The following LRP12 variants were observed in gnomAD, a reference collection of about 807,000 sequenced individuals.
LRP12 encodes LDL receptor related protein 12.
Under a neutral mutation model 66.0 loss-of-function variants are expected in LRP12, and 14 were observed. The observed-to-expected ratio is 0.21, with a 90% confidence interval of 0.14 to 0.33. The LOEUF (loss-of-function observed/expected upper bound fraction) is 0.33, where lower values mean the gene tolerates loss of function less well. Among genes scored for constraint, LRP12 ranks in the 10% least tolerant of loss-of-function variants. The pLI, the probability that LRP12 is intolerant of heterozygous loss-of-function variation, is 1.00. For missense variants in LRP12, 889 were observed against 1,053.4 expected, an observed-to-expected ratio of 0.84 and a Z score of 2.16; for synonymous variants, 357 against 359.1, an observed-to-expected ratio of 0.99 and a Z score of 0.07.
At chr8:104,555,313 G>A (rs904311963) in intron 1 of LRP12, among the ~76,000 whole-genome samples, 11 of 152,080 alleles carry the variant, frequency 7.2e-5, no homozygotes, top group South Asian at 2.1e-4. Context: ...ATAGTACCTC[G>A]CATTTCAATA....
chr8:104,555,309 C>T (rs745872554), intron 1 of LRP12, among the ~76,000 whole-genome samples: 22 of 152,060 alleles, frequency 1.4e-4, no homozygotes, highest in Non-Finnish European at 2.8e-4. Flanking sequence ...AAGAATAGTA[C>T]CTCGCATTTC....
intron 1 of LRP12, among the ~76,000 whole-genome samples, chr8:104,582,882 T>A (rs923764391): frequency 6.6e-6 from 1 of 152,194 alleles, no homozygotes; most frequent in Non-Finnish European, 1.5e-5. Context: ...GATGATCTTA[T>A]GTCATATTAC....
intron 1 of LRP12, among the ~76,000 whole-genome samples, chr8:104,556,188 T>C (rs1187551924): frequency 6.6e-6 from 1 of 152,088 alleles, no homozygotes; most frequent in Non-Finnish European, 1.5e-5. Flanking sequence ...TAACATTAAC[T>C]GCCTACATCA....
chr8:104,523,715 C>T (rs2140855544), intron 2 of LRP12, among the ~76,000 whole-genome samples: 1 of 152,232 alleles, frequency 6.6e-6, no homozygotes, highest in Middle Eastern at 3.4e-3. Flanking sequence ...AGTGATGTTG[C>T]AAGTGCTCCC....
intron 2 of LRP12, among the ~76,000 whole-genome samples, chr8:104,516,757 G>C (rs1811076498): frequency 6.6e-6 from 1 of 152,072 alleles, no homozygotes. Context: ...ACACATGAAA[G>C]AGGGAGGATC....
intron 5 of LRP12, 90 bp downstream of exon 5, chr8:104,496,882 A>G: frequency 7.7e-7 from 1 of 1,292,662 alleles, no homozygotes; most frequent in Non-Finnish European, 1.0e-6. Flanking sequence ...CTAATATAAA[A>G]CAAAAATACA....
intron 1 of LRP12, among the ~76,000 whole-genome samples, chr8:104,565,256 G>A (rs1164760919): frequency 2.6e-5 from 4 of 151,890 alleles, no homozygotes; most frequent in Non-Finnish European, 5.9e-5. Flanking sequence ...GAATAATATC[G>A]ATATGCTCAG....
chr8:104,532,422 AT>A (rs772256414), intron 1 of LRP12, among the ~76,000 whole-genome samples: 42 of 152,206 alleles, frequency 2.8e-4, no homozygotes, highest in Non-Finnish European at 5.9e-4. Context: ...CTTCAAAAAA[AT>A]CTTTCAAATT....
rs547909863 is a variant in LRP12 at position 104,499,261 on chromosome 8, C to A, written c.475+56G>T. ...ACTTAGAAGATTAGCTCCGAAGTGA[C>A]AGAGCAGTTAATACCATAAAATTCA... On this transcript the variant is annotated intron_variant, in intron 4 of 6. Coordinates refer to ENST00000276654, the MANE Select transcript of LRP12 (RefSeq NM_013437.5). 1.2e-3 allele frequency: 1,650 copies of A among 1,350,432 alleles called. 3 individuals carry two copies. Among genetic ancestry groups the A allele is most frequent in the Non-Finnish European group, 1.5e-3 (1,442 of 959,224 alleles). 83.7% of individuals were successfully genotyped at this position (1,350,432 alleles called of 1,614,324 possible). A position where few individuals can be genotyped will look rare whatever the true frequency, so the allele number is the denominator to read the frequency against.
intron 1 of LRP12, among the ~76,000 whole-genome samples, chr8:104,541,465 T>G (rs957395645): frequency 6.6e-6 from 1 of 152,178 alleles, no homozygotes; most frequent in African/African-American, 2.4e-5. Flanking sequence ...GAAAAAAAAT[T>G]ACACACCTAT....
intron 6 of LRP12, among the ~76,000 whole-genome samples, chr8:104,494,202 C>A (rs1564128216): frequency 6.6e-6 from 1 of 152,156 alleles, no homozygotes; most frequent in Non-Finnish European, 1.5e-5. Context: ...AAAGAAGCCA[C>A]AACTTAGGTT....
Position 104,508,937 on chromosome 8 carries a change from A to G in LRP12, c.272+2T>C. ...TATAGTAATACAGAAAGGTAGAATT[A>G]CCTTATAGTAATGATTTCGCCTGGG... On this transcript the variant is annotated splice_donor_variant, in intron 3 of 6. Coordinates refer to ENST00000276654, the MANE Select transcript of LRP12 (RefSeq NM_013437.5). LOFTEE classifies it high-confidence loss of function. 1 of 1,611,520 alleles carries G rather than the reference A, an allele frequency of 6.2e-7. No homozygotes were observed. Among genetic ancestry groups the G allele is most frequent in the Non-Finnish European group, 8.5e-7 (1 of 1,178,382 alleles).
intron 1 of LRP12, among the ~76,000 whole-genome samples, chr8:104,571,259 C>A (rs1331991021): frequency 6.6e-6 from 1 of 152,128 alleles, no homozygotes; most frequent in African/African-American, 2.4e-5. Flanking sequence ...GGCTGCAGAC[C>A]AGTAATGGGC....
chr8:104,557,529 T>TAAA (rs530034124), intron 1 of LRP12, among the ~76,000 whole-genome samples: 1 of 134,350 alleles, frequency 7.4e-6, no homozygotes. Context: ...TTGCAATAGC[T>TAAA]AAAAAAAAAA....
In LRP12 at chr8:104,495,210, CTT is replaced by C. The variant is rs1188994233; in HGVS notation, c.1581-3_1581-2del. The C allele has an allele frequency of 6.2e-7, 1 of 1,607,794 alleles. No homozygotes were observed. The highest frequency in any genetic ancestry group is 1.3e-5 in the African/African-American group (1 of 74,700). On this transcript the variant is annotated splice_acceptor_variant and splice_polypyrimidine_tract_variant and intron_variant, in intron 5 of 6. Transcript: ENST00000276654. LOFTEE classifies it high-confidence loss of function. ...TCTTGACAACTGTGTTTCAAATGATCTTTGAGAGTAGATGGAAAGAAAAATGA... is the reference window on the plus strand; with the variant it reads ...TCTTGACAACTGTGTTTCAAATGATCTGAGAGTAGATGGAAAGAAAAATGA...
intron 2 of LRP12, among the ~76,000 whole-genome samples, chr8:104,520,266 A>G (rs1811127527): frequency 6.6e-6 from 1 of 151,256 alleles, no homozygotes; most frequent in African/African-American, 2.4e-5. Flanking sequence ...TATGAGGGCA[A>G]TTTTTTTTTC....
intron 1 of LRP12, among the ~76,000 whole-genome samples, chr8:104,548,189 T>C (rs1196945493): frequency 8.7e-5 from 8 of 91,598 alleles, no homozygotes; most frequent in African/African-American, 5.0e-4. Flanking sequence ...ATATAATATA[T>C]ATATAAATAT....
intron 1 of LRP12, among the ~76,000 whole-genome samples, chr8:104,552,375 G>GT (rs541170229): frequency 0.012 from 1,700 of 138,880 alleles, 19 homozygotes; most frequent in South Asian, 0.037. Flanking sequence ...TTTTTTTGTT[G>GT]TTTTTTTTTT....
At chr8:104,538,325 T>C (rs1161043563) in intron 1 of LRP12, among the ~76,000 whole-genome samples, 1 of 152,042 alleles carries the variant, frequency 6.6e-6, no homozygotes, top group African/African-American at 2.4e-5. Context: ...CAATTTTAAT[T>C]TCCCATACTC....
Sources: gnomAD v4.1 joint callset for allele counts (sites outside exome capture counted in the v4.1 genomes callset) on GRCh38, gnomAD v4.1.1 for gene constraint, MANE v1.5 for transcripts, NCBI Gene and HGNC (gene_info 2026-07-23, HGNC 2026-07-21) for gene names.